The following PTPRD variants were observed in gnomAD, a reference collection of about 807,000 sequenced individuals.
PTPRD encodes protein tyrosine phosphatase receptor type D.
A neutral mutation model predicts 214.5 loss-of-function variants in PTPRD; 34 were observed. The observed-to-expected ratio is 0.16, with a 90% confidence interval of 0.12 to 0.21. The LOEUF (loss-of-function observed/expected upper bound fraction) is 0.21, where lower values mean the gene tolerates loss of function less well. PTPRD is among the 10% of genes least tolerant of loss of function. The probability of loss-of-function intolerance (pLI) is 1.00; values close to 1 mark genes in which losing one functional copy is unlikely to be tolerated. For missense variants in PTPRD, 2,545 were observed against 2,398.7 expected (o/e 1.06, Z -1.27); for synonymous variants, 1,128 against 845.7 (o/e 1.33, Z -5.79).
intron 8 of PTPRD, among the ~76,000 whole-genome samples, chr9:9,528,369 G>A (rs554260791): frequency 6.6e-6 from 1 of 152,194 alleles, no homozygotes; most frequent in South Asian, 2.1e-4. Context: ...ACATAGGACC[G>A]ACATCATCTA....
chr9:9,896,301 A>C (rs1157009273), intron 5 of PTPRD, among the ~76,000 whole-genome samples: 1 of 152,140 alleles, frequency 6.6e-6, no homozygotes, highest in African/African-American at 2.4e-5. Context: ...AGGTAAGAAA[A>C]GAGTCATGGA....
intron 11 of PTPRD, among the ~76,000 whole-genome samples, chr9:8,919,638 G>T (rs184444775): frequency 1.1e-4 from 17 of 152,068 alleles, no homozygotes; most frequent in African/African-American, 3.6e-4. Flanking sequence ...GTTCATCTTA[G>T]GTATAATCAC....
chr9:10,083,229 G>C (rs891532225), intron 3 of PTPRD, among the ~76,000 whole-genome samples: 1 of 151,854 alleles, frequency 6.6e-6, no homozygotes, highest in Non-Finnish European at 1.5e-5. Context: ...ACTCATACAT[G>C]ATATCTTACA....
chr9:9,141,066 T>C (rs532237405), intron 10 of PTPRD, among the ~76,000 whole-genome samples: 1 of 152,044 alleles, frequency 6.6e-6, no homozygotes, highest in South Asian at 2.1e-4. Context: ...CCACTTATAT[T>C]TTTTTCTCTG....
chr9:9,797,779 T>C (rs1210346915), intron 5 of PTPRD, among the ~76,000 whole-genome samples: 1 of 152,022 alleles, frequency 6.6e-6, no homozygotes, highest in Non-Finnish European at 1.5e-5. Context: ...CCCCAGGCTG[T>C]GGAGGTTGTA....
At chr9:9,085,033 CAA>C (rs1286031554) in intron 10 of PTPRD, among the ~76,000 whole-genome samples, 1 of 152,020 alleles carries the variant, frequency 6.6e-6, no homozygotes, top group Non-Finnish European at 1.5e-5. Context: ...TAGTTAAGCA[CAA>C]AAGGAGATAT....
chr9:8,723,415 C>G (rs1220922948), intron 12 of PTPRD, among the ~76,000 whole-genome samples: 1 of 152,130 alleles, frequency 6.6e-6, no homozygotes, highest in African/African-American at 2.4e-5. Flanking sequence ...CAGCATTTAT[C>G]ACTCTCCAAA....
intron 11 of PTPRD, among the ~76,000 whole-genome samples, chr9:8,891,323 G>A (rs1032718679): frequency 1.3e-5 from 2 of 151,586 alleles, no homozygotes; most frequent in Non-Finnish European, 1.5e-5. Context: ...TAGTAGAGAC[G>A]GAGTTTCACC....
chr9:8,341,754 A>G lies in PTPRD; in HGVS notation c.4886T>C (p.Ile1629Thr), dbSNP rs2132493239. The G allele has an allele frequency of 1.2e-6, 2 of 1,613,560 alleles. No homozygotes were observed. The highest frequency in any genetic ancestry group is 2.2e-5 in the South Asian group (2 of 91,052). ...EVPARNLYAY[I>T]QKLTQIETGE... is the part of the protein sequence containing the mutation. Reference sequence around the variant, plus strand: ...CGTTTCTATTTGTGTCAGCTTCTGAATGTAGGCATACAAGTTTCTAGCTGG... The same window carrying G: ...CGTTTCTATTTGTGTCAGCTTCTGAGTGTAGGCATACAAGTTTCTAGCTGG... The change falls in exon 40 of 46, where the codon ATT (isoleucine) becomes ACT (threonine). Residue 1629 changes from isoleucine (I) to threonine (T), a missense_variant. Physicochemically the swap from Ile to Thr is moderately conservative, Grantham distance 89. Transcript: ENST00000381196.
At chr9:9,769,871 G>A (rs1214796213) in intron 5 of PTPRD, among the ~76,000 whole-genome samples, 1 of 151,964 alleles carries the variant, frequency 6.6e-6, no homozygotes, top group Non-Finnish European at 1.5e-5. Flanking sequence ...CTGGTTTTCT[G>A]TTCCTGTATT....
chr9:8,503,998 C>T (rs1471143698), intron 23 of PTPRD, among the ~76,000 whole-genome samples: 1 of 152,138 alleles, frequency 6.6e-6, no homozygotes, highest in Non-Finnish European at 1.5e-5. Flanking sequence ...ACTCCTTTAA[C>T]CCACATTTCA....
chr9:9,526,798 T>C (rs1344372925), intron 8 of PTPRD, among the ~76,000 whole-genome samples: 1 of 152,202 alleles, frequency 6.6e-6, no homozygotes, highest in Non-Finnish European at 1.5e-5. Flanking sequence ...ATTAACATGA[T>C]GAGTTCTGAT....
intron 3 of PTPRD, among the ~76,000 whole-genome samples, chr9:10,299,928 T>A (rs2095809075): frequency 1.3e-5 from 2 of 152,182 alleles, no homozygotes; most frequent in South Asian, 4.1e-4. Context: ...ATTGCTCTCA[T>A]ATAGAAAACT....
At chr9:8,455,895 T>A (rs1407208070) in intron 33 of PTPRD, among the ~76,000 whole-genome samples, 4 of 152,198 alleles carry the variant, frequency 2.6e-5, no homozygotes, top group Non-Finnish European at 5.9e-5. Context: ...AGTATTCATA[T>A]GCACAAATTC....
chr9:9,709,884 T>C (rs1265864172), intron 7 of PTPRD, among the ~76,000 whole-genome samples: 1 of 152,116 alleles, frequency 6.6e-6, no homozygotes, highest in Non-Finnish European at 1.5e-5. Flanking sequence ...TGAGGAAACC[T>C]GTTTAATTAA....
intron 3 of PTPRD, among the ~76,000 whole-genome samples, chr9:10,232,876 C>G (rs927302278): frequency 2.6e-5 from 4 of 151,928 alleles, no homozygotes; most frequent in African/African-American, 9.7e-5. Flanking sequence ...CTATGCCATA[C>G]GTTTTATGTG....
chr9:10,243,136 G>T (rs1361142247), intron 3 of PTPRD, among the ~76,000 whole-genome samples: 2 of 151,892 alleles, frequency 1.3e-5, no homozygotes, highest in African/African-American at 4.8e-5. Flanking sequence ...AAAATCCAAG[G>T]ATATTCACTC....
chr9:9,511,976 A>T lies in PTPRD; in HGVS notation c.-237+62756T>A, dbSNP rs368731304. Reference sequence around the variant, plus strand: ...CTAGACACATGGTACATAATCTAGGAAATAGGTCATAAATGCGACTTACAG... The same window carrying T: ...CTAGACACATGGTACATAATCTAGGTAATAGGTCATAAATGCGACTTACAG... On this transcript the variant is annotated intron_variant, in intron 8 of 45. Coordinates refer to ENST00000381196, the MANE Select transcript of PTPRD (RefSeq NM_002839.4). Among the ~76,000 whole-genome samples, 11 of 151,884 alleles carry T rather than the reference A, an allele frequency of 7.2e-5. No individual in the cohort carries two copies. In the South Asian group the frequency reaches 1.9e-3, roughly 26 times the overall value.
At chr9:9,820,215 A>C (rs2050227448) in intron 5 of PTPRD, among the ~76,000 whole-genome samples, 1 of 152,056 alleles carries the variant, frequency 6.6e-6, no homozygotes, top group Non-Finnish European at 1.5e-5. Context: ...TATGGTTTTC[A>C]TTTGCAGTTC....
Sources: allele counts gnomAD v4.1 joint callset (sites outside exome capture counted in the v4.1 genomes callset), GRCh38; gene constraint gnomAD v4.1.1; transcripts MANE v1.5; gene names NCBI Gene and HGNC (gene_info 2026-07-23, HGNC 2026-07-21).